PLXND1: variants seen among roughly 807,000 people sequenced by gnomAD.
PLXND1 encodes plexin D1.
In PLXND1, 54 loss-of-function variants were observed where a neutral mutation model predicts 197.7. The observed-to-expected ratio is 0.27, with a 90% CI of 0.22 to 0.34. The LOEUF (loss-of-function observed/expected upper bound fraction) is 0.34, where lower values mean the gene tolerates loss of function less well. Ranked by LOEUF, PLXND1 falls within the 10% of genes least tolerant of loss-of-function variation. The pLI is 1.00. For missense variants in PLXND1, 2,127 were observed against 2,699.2 expected, an observed-to-expected ratio of 0.79 and a Z score of 4.70; for synonymous variants, 1,180 against 1,161.2, an observed-to-expected ratio of 1.02 and a Z score of -0.33.
rs529666455 is a variant in PLXND1, at chr3:129,606,269, T to C, written c.371A>G (p.Tyr124Cys). The change falls in exon 1 of 36, where the codon TAC becomes TGC. Residue 124 changes from tyrosine to cysteine, a missense_variant. This residue lies in a region of PLXND1 where 245 missense variants were observed against 267.1 expected (regional missense o/e 0.92). Transcript: ENST00000324093. ...CEHPRRLTDN[Y>C]NKILQLDPGQ... is the part of the protein sequence containing the mutation. ...GGGGTCCAGCTGCAGGATCTTGTTG[T>C]AGTTGTCCGTGAGGCGCCGCGGGTG... The C allele has an allele frequency of 1.3e-6, 2 of 1,549,876 alleles. No homozygotes were observed. The highest frequency in any genetic ancestry group is 1.4e-5 in the African/African-American group (1 of 70,242).
At position 129,571,830 on chromosome 3, in the gene PLXND1, C is replaced by T; in HGVS notation, c.3092G>A (p.Ser1031Asn). The change falls in exon 16 of 36, where the codon AGC becomes AAC. Residue 1031 changes from serine (S) to asparagine (N), a missense_variant. Coordinates refer to ENST00000324093, the MANE Select transcript of PLXND1 (RefSeq NM_015103.3). ...CCCCTCAGGCATGGTGCAGGCGATG[C>T]TGGTATCTGTGCGCCTGGGGGGAGC... ...PCTELMRTDTSIACTMPEGAL... is the reference protein window; with the variant it reads ...PCTELMRTDTNIACTMPEGAL... The T allele has an allele frequency of 6.2e-7, 1 of 1,612,324 alleles. No individual in the cohort carries two copies. Among genetic ancestry groups the T allele is most frequent in the African/African-American group, 1.3e-5 (1 of 75,018 alleles).
chr3:129,561,389 A>G (rs1180967027), intron 29 of PLXND1, among the ~76,000 whole-genome samples: 1 of 152,172 alleles, frequency 6.6e-6, no homozygotes, highest in African/African-American at 2.4e-5. Flanking sequence ...GCTGCTGCCC[A>G]GACCTCCTGG....
intron 9 of PLXND1, 77 bp downstream of exon 9, chr3:129,578,252 C>T: frequency 1.2e-6 from 1 of 860,718 alleles, no homozygotes; most frequent in South Asian, 1.4e-5. Context: ...CACACCAGGA[C>T]ATGGGGGCAG....
chr3:129,561,127 CG>C, intron 29 of PLXND1: 1 of 467,678 alleles, frequency 2.1e-6, no homozygotes, highest in Non-Finnish European at 4.2e-6. Context: ...CCCAGGCAGG[CG>C]GGGGTGGGTG....
intron 7 of PLXND1, 141 bp from the exon 8 acceptor site, chr3:129,583,810 C>A: frequency 1.6e-6 from 1 of 637,272 alleles, no homozygotes; most frequent in Non-Finnish European, 2.8e-6. Flanking sequence ...AAGATTGGGT[C>A]TTTAAGGTAG....
Position 129,605,757 on chromosome 3 carries a change from A to C in PLXND1, c.883T>G (p.Ser295Ala). The change falls in exon 1 of 36, where the codon TCC (serine) becomes GCC (alanine). Residue 295 changes from serine to alanine, a missense_variant. By Grantham distance (99) the Ser-to-Ala change is moderately conservative. This residue lies in a region of PLXND1 where 1,095 missense variants were observed against 1,259.8 expected (regional missense o/e 0.87). Coordinates refer to ENST00000324093, the MANE Select transcript of PLXND1 (RefSeq NM_015103.3). ...HPSDPPPGAQ[S>A]YAYLALNSEA... ...CTGTTGAGCGCCAGGTACGCGTAGGACTGTGCACCCGGCGGCGGGTCGGAC... is the reference window on the plus strand; with the variant it reads ...CTGTTGAGCGCCAGGTACGCGTAGGCCTGTGCACCCGGCGGCGGGTCGGAC... 6.4e-7 allele frequency: 1 copy of C among 1,561,132 alleles called. No individual in the cohort carries two copies. The highest frequency in any genetic ancestry group is 1.2e-5 in the South Asian group (1 of 85,390).
intron 22 of PLXND1, among the ~76,000 whole-genome samples, chr3:129,567,082 C>CA (rs1409968950): frequency 3.3e-5 from 5 of 151,898 alleles, no homozygotes; most frequent in Non-Finnish European, 7.4e-5. Flanking sequence ...GCATGAGAGG[C>CA]ATGGAAGGGA....
chr3:129,572,200 C>T (rs929898327), intron 15 of PLXND1, among the ~76,000 whole-genome samples: 8 of 152,150 alleles, frequency 5.3e-5, no homozygotes, highest in Non-Finnish European at 1.0e-4. Context: ...CTATGTTGTG[C>T]TCCTCTTGGT....
At position 129,560,392 on chromosome 3, in the gene PLXND1, G is replaced by C; in HGVS notation, c.5071C>G (p.Arg1691Gly). Residue 1691 changes from arginine to glycine, a missense_variant, in exon 31 of 36, where the codon CGG (arginine) becomes GGG (glycine). Physicochemically the swap from Arg to Gly is moderately radical, Grantham distance 125. This residue lies in a region of PLXND1 where 53 missense variants were observed against 41.4 expected (regional missense o/e 1.28). Transcript: ENST00000324093. ...AGCACCTTCTTGCGATGGCTCTGCCGGTGAGACTTCTTGGGCTCCGCCAGC... is the reference window on the plus strand; with the variant it reads ...AGCACCTTCTTGCGATGGCTCTGCCCGTGAGACTTCTTGGGCTCCGCCAGC... The part of the protein sequence containing the change: ...DELAEPKKSH[R>G]QSHRKKVLPE... The C allele has an allele frequency of 6.2e-7, 1 of 1,613,976 alleles. No individual in the cohort carries two copies. The highest frequency in any genetic ancestry group is 8.5e-7 in the Non-Finnish European group (1 of 1,179,888).
intron 1 of PLXND1, among the ~76,000 whole-genome samples, chr3:129,598,398 C>T (rs968495467): frequency 6.6e-6 from 1 of 152,118 alleles, no homozygotes; most frequent in Admixed American, 6.5e-5. Context: ...TGGGGGCTGT[C>T]CTGTAGCAAG....
In PLXND1 at chr3:129,565,307, G is replaced by A. The variant is rs2285360; in HGVS notation, c.4521+33C>T. The A allele has an allele frequency of 0.045, 71,993 of 1,591,042 alleles. 3,011 individuals carry two copies. Among genetic ancestry groups the A allele is most frequent in the African/African-American group, 0.18 (13,553 of 74,526 alleles). On this transcript the variant is annotated intron_variant, in intron 25 of 35. Transcript: ENST00000324093. ...CCGCTGAGTCCCTGCCACGTCCCCC[G>A]CCTGGGCTCTGTCTGTCCCCAGGCA... is the stretch of plus-strand genomic sequence containing the variant.
rs1423103264 is a variant in PLXND1 at position 129,556,633 on chromosome 3, T to C, written c.5645A>G (p.Lys1882Arg). 1.2e-6 allele frequency: 2 copies of C among 1,613,048 alleles called. No individual in the cohort carries two copies. Among genetic ancestry groups the C allele is most frequent in the Admixed American group, 1.7e-5 (1 of 59,910 alleles). The change falls in exon 35 of 36, where the codon AAG becomes AGG. Residue 1882 changes from lysine to arginine, a missense_variant. Physicochemically the swap from Lys to Arg is conservative, Grantham distance 26. This residue lies in a region of PLXND1 where 200 missense variants were observed against 303.3 expected (regional missense o/e 0.66). Transcript: ENST00000324093. ...GGCACTCACCTGCGGCCGATACCTC[T>C]TGGCGTACTTATAAATCTCTGCCAT... is the stretch of plus-strand genomic sequence containing the variant. ...VAMAEIYKYA[K>R]RYRPQIMAAL...
At chr3:129,574,876 G>A (rs1487091571) in intron 11 of PLXND1, among the ~76,000 whole-genome samples, 1 of 152,206 alleles carries the variant, frequency 6.6e-6, no homozygotes, top group African/African-American at 2.4e-5. Flanking sequence ...GATCAACCCC[G>A]GCGGGGCCCT....
intron 1 of PLXND1, among the ~76,000 whole-genome samples, chr3:129,597,064 C>T (rs1425953009): frequency 1.3e-5 from 2 of 152,244 alleles, no homozygotes; most frequent in Non-Finnish European, 2.9e-5. Flanking sequence ...GCTGAGACCT[C>T]TTTCTGTATT....
chr3:129,586,332 G>T, intron 3 of PLXND1, 60 bp from the exon 4 acceptor site: 1 of 1,318,502 alleles, frequency 7.6e-7, no homozygotes, highest in Non-Finnish European at 1.0e-6. Flanking sequence ...TTGGGGAGGT[G>T]GTACGGTCAG....
rs573542317 is a variant in PLXND1 at position 129,571,823 on chromosome 3, G to A, written c.3099C>T (p.Ala1033=). 1.9e-6 allele frequency: 3 copies of A among 1,612,762 alleles called. No individual in the cohort carries two copies. Among genetic ancestry groups the A allele is most frequent in the African/African-American group, 2.7e-5 (2 of 75,034 alleles). The change falls in exon 16 of 36, where the codon GCC becomes GCT. Residue 1033 remains alanine (A), a synonymous_variant. Coordinates refer to ENST00000324093, the MANE Select transcript of PLXND1 (RefSeq NM_015103.3). ...TELMRTDTSI[A]CTMPEGALPA... is the part of the protein sequence containing the mutation. ...GCAGGGCCCCCTCAGGCATGGTGCA[G>A]GCGATGCTGGTATCTGTGCGCCTGG...
At position 129,572,668 on chromosome 3, in the gene PLXND1, G is replaced by A. The variant is rs755540185; in HGVS notation, c.3018C>T (p.Leu1006=). 54 of 1,605,768 alleles carry A rather than the reference G, an allele frequency of 3.4e-5. No homozygotes were observed. Among genetic ancestry groups the A allele is most frequent in the Admixed American group, 2.2e-4 (13 of 59,158 alleles). The part of the protein sequence containing the change: ...GTRITIHGND[L]HVGSELQVLV... Reference sequence around the variant, plus strand: ...GGACCTGGAGCTCGGAGCCTACATGGAGGTCATTCCCATGGATGGTGATCC... The same window carrying A: ...GGACCTGGAGCTCGGAGCCTACATGAAGGTCATTCCCATGGATGGTGATCC... Residue 1006 remains leucine (L), a synonymous_variant, in exon 15 of 36, where the codon CTC becomes CTT. Transcript: ENST00000324093.
Position 129,555,715 on chromosome 3 carries a change from A to G in PLXND1, c.*597T>C, listed in dbSNP as rs923071817. The G allele has an allele frequency of 1.9e-6, 1 of 529,450 alleles. No homozygotes were observed. Among genetic ancestry groups the G allele is most frequent in the Non-Finnish European group, 3.3e-6 (1 of 304,488 alleles). 32.8% of individuals were successfully genotyped at this position (529,450 alleles called of 1,614,324 possible). A position where few individuals can be genotyped will look rare whatever the true frequency, so the allele number is the denominator to read the frequency against. The stretch of plus-strand genomic sequence containing the variant: ...TCCCTGCTCCTGGAGAAGCCCACAG[A>G]GCACCCCATGGCGCGGGCACTGCCC... On this transcript the variant is annotated 3_prime_UTR_variant, in exon 36 of 36. Coordinates refer to ENST00000324093, the MANE Select transcript of PLXND1 (RefSeq NM_015103.3).
At chr3:129,594,561 G>A (rs1040803992) in intron 1 of PLXND1, among the ~76,000 whole-genome samples, 1 of 152,188 alleles carries the variant, frequency 6.6e-6, no homozygotes, top group Non-Finnish European at 1.5e-5. Context: ...GGACCCCCCA[G>A]CTCCTCCCAA....
Sources: gnomAD v4.1 joint callset for allele counts (sites outside exome capture counted in the v4.1 genomes callset) on GRCh38, gnomAD v4.1.1 for gene constraint, gnomAD v4.1.1 regional missense constraint, MANE v1.5 for transcripts, NCBI Gene and HGNC (gene_info 2026-07-23, HGNC 2026-07-21) for gene names.